C4BPA: variants seen among roughly 807,000 people sequenced by gnomAD.
The protein encoded by C4BPA is C4b-binding protein alpha chain.
A neutral mutation model predicts 63.7 loss-of-function variants in C4BPA; 31 were observed. That is an observed-to-expected ratio of 0.49 (90% CI 0.37 to 0.66). C4BPA has a LOEUF of 0.66. Among genes scored for constraint, C4BPA ranks in the 30% least tolerant of loss-of-function variants. C4BPA has a pLI of 0.00. For synonymous variants in C4BPA, 259 were observed against 254.7 expected (o/e 1.02, Z -0.16); for missense variants, 572 against 723.3 (o/e 0.79, Z 2.40).
chr1:207,143,754 G>T, intron 10 of C4BPA, 64 bp from the exon 11 acceptor site: 1 of 1,122,818 alleles, frequency 8.9e-7, no homozygotes, highest in South Asian at 1.3e-5. Context: ...CTTATTATCC[G>T]AGACTGTTAT....
chr1:207,132,794 G>A (rs548148658), intron 8 of C4BPA, among the ~76,000 whole-genome samples: 46 of 152,224 alleles, frequency 3.0e-4, no homozygotes, highest in African/African-American at 1.0e-3. Context: ...AGGCTGAGGC[G>A]GGAGGATTGC....
chr1:207,138,712 T>C (rs1685348117), intron 9 of C4BPA, among the ~76,000 whole-genome samples: 1 of 152,184 alleles, frequency 6.6e-6, no homozygotes, highest in Middle Eastern at 3.2e-3. Flanking sequence ...CCCCCTAGCC[T>C]ATGGGTTGGA....
At chr1:207,118,086 A>G (rs372333216) in intron 4 of C4BPA, among the ~76,000 whole-genome samples, 4 of 152,158 alleles carry the variant, frequency 2.6e-5, no homozygotes, top group African/African-American at 9.7e-5. Flanking sequence ...TGGATTATTT[A>G]TCCAATTTGT....
intron 10 of C4BPA, 149 bp downstream of exon 10, chr1:207,141,425 T>C: frequency 1.8e-6 from 1 of 550,112 alleles, no homozygotes; most frequent in Non-Finnish European, 3.1e-6. Flanking sequence ...TGGTACCCAA[T>C]GCAAAAACTA....
At chr1:207,123,214 A>G (rs558950393) in intron 4 of C4BPA, among the ~76,000 whole-genome samples, 1 of 152,338 alleles carries the variant, frequency 6.6e-6, no homozygotes, top group African/African-American at 2.4e-5. Context: ...AGAAATACTT[A>G]ATTGTAGTTG....
chr1:207,143,847 G>C lies in C4BPA; in HGVS notation c.1474G>C (p.Gly492Arg), dbSNP rs201588759. The change falls in exon 11 of 12, where the codon GGA becomes CGA. Residue 492 changes from glycine (G) to arginine (R), a missense_variant. Gly to Arg is a moderately radical substitution (Grantham distance 125). Around this residue, in one of 2 missense-constraint regions of C4BPA, gnomAD observed 465 missense variants for 629.4 expected, o/e 0.74. Coordinates refer to ENST00000367070, the MANE Select transcript of C4BPA (RefSeq NM_000715.4). ...GTGTCGGAAACCAGAATTAGTGAAT[G>C]GAAGGTTGTCTGTGGATAAGGATCA... is the stretch of plus-strand genomic sequence containing the variant. ...ALCRKPELVNGRLSVDKDQYV... is the reference protein window; with the variant it reads ...ALCRKPELVNRRLSVDKDQYV... 1 of 1,613,422 alleles carries C rather than the reference G, an allele frequency of 6.2e-7. No individual in the cohort carries two copies. Among genetic ancestry groups the C allele is most frequent in the Admixed American group, 1.7e-5 (1 of 60,002 alleles).
intron 1 of C4BPA, among the ~76,000 whole-genome samples, chr1:207,105,538 C>T (rs1353728350): frequency 1.1e-5 from 1 of 91,514 alleles, no homozygotes; most frequent in Non-Finnish European, 2.1e-5. Flanking sequence ...GTCTGGGCAA[C>T]AAGAGTGAAA....
In C4BPA at chr1:207,113,108, T is replaced by C; in HGVS notation, c.83T>C (p.Val28Ala). The change falls in exon 2 of 12, where the codon GTC becomes GCC. Residue 28 changes from valine to alanine, a missense_variant. Coordinates refer to ENST00000367070, the MANE Select transcript of C4BPA (RefSeq NM_000715.4). ...AAWPFSRLWK[V>A]SDPILFQMTL... Reference sequence around the variant, plus strand: ...TGGCCCTTCTCCAGGCTGTGGAAAGTCTCTGATCCAATTCTCTTCCAAATG... The same window carrying C: ...TGGCCCTTCTCCAGGCTGTGGAAAGCCTCTGATCCAATTCTCTTCCAAATG... The C allele has an allele frequency of 6.2e-7, 1 of 1,610,824 alleles. No individual in the cohort carries two copies. The highest frequency in any genetic ancestry group is 8.5e-7 in the Non-Finnish European group (1 of 1,178,662).
chr1:207,143,700 G>C, intron 10 of C4BPA, 118 bp from the exon 11 acceptor site: 1 of 721,872 alleles, frequency 1.4e-6, no homozygotes, highest in Non-Finnish European at 2.3e-6. Context: ...GTTTTCAAAT[G>C]AAGAGAAAGA....
At position 207,134,793 on chromosome 1, in the gene C4BPA, A is replaced by C. The variant is rs573108363; in HGVS notation, c.1273+201A>C. Among the ~76,000 whole-genome samples, 11 of 152,334 alleles carry C rather than the reference A, an allele frequency of 7.2e-5. No individual in the cohort carries two copies. The South Asian group carries it at 1.4e-3, about 20-fold the overall frequency. On this transcript the variant is annotated intron_variant, in intron 9 of 11. Transcript: ENST00000367070. ...AGTTTCCTCTTTTCTGAATCAGTGA[A>C]AATAGACAACATGTAATAAATAAGC...
intron 4 of C4BPA, among the ~76,000 whole-genome samples, chr1:207,116,431 C>T (rs1272058314): frequency 6.6e-6 from 1 of 151,242 alleles, no homozygotes; most frequent in African/African-American, 2.4e-5. Context: ...TTTAGACATA[C>T]ACATGAGTCT....
rs201262669 is a variant in C4BPA, at chr1:207,141,179, G to C, written c.1347G>C (p.Glu449Asp). 6.2e-7 allele frequency: 1 copy of C among 1,613,620 alleles called. No homozygotes were observed. The highest frequency in any genetic ancestry group is 2.2e-5 in the East Asian group (1 of 44,846). Reference sequence around the variant, plus strand: ...GTTCATACAGCTTTTTCAAAGAAGAGATTATATATGAATGTGATAAAGGCT... The same window carrying C: ...GTTCATACAGCTTTTTCAAAGAAGACATTATATATGAATGTGATAAAGGCT... ...QSSSYSFFKE[E>D]IIYECDKGYI... Residue 449 changes from glutamate (E) to aspartate (D), a missense_variant, in exon 10 of 12, where the codon GAG (glutamate) becomes GAC (aspartate). Glu to Asp is a conservative substitution (Grantham distance 45, BLOSUM62 2). Coordinates refer to ENST00000367070, the MANE Select transcript of C4BPA (RefSeq NM_000715.4).
intron 4 of C4BPA, among the ~76,000 whole-genome samples, chr1:207,117,341 T>C (rs1472908783): frequency 1.3e-5 from 2 of 152,080 alleles, no homozygotes; most frequent in Non-Finnish European, 2.9e-5. Context: ...GTCCCAGCTA[T>C]GCAACAGGCT....
rs759899269 is a variant in C4BPA, at chr1:207,113,162, T to C, written c.137T>C (p.Val46Ala). 75 of 1,610,306 alleles carry C rather than the reference T, an allele frequency of 4.7e-5. No individual in the cohort carries two copies. The highest frequency in any genetic ancestry group is 6.0e-5 in the Non-Finnish European group (71 of 1,178,760). The change falls in exon 2 of 12, where the codon GTT becomes GCT. Residue 46 changes from valine (V) to alanine (A), a missense_variant. Physicochemically the swap from Val to Ala is moderately conservative, Grantham distance 64. Transcript: ENST00000367070. The part of the protein sequence containing the change: ...MTLIAALLPA[V>A]LGNCGPPPTL... ...TTGATCGCTGCTCTGTTGCCTGCTG[T>C]TCTTGGTGAGTAGTGGGAAACAAGC...
At chr1:207,115,848 C>T (rs1351317757) in intron 4 of C4BPA, among the ~76,000 whole-genome samples, 5 of 152,184 alleles carry the variant, frequency 3.3e-5, no homozygotes, top group African/African-American at 7.2e-5. Context: ...TCCATGTTTG[C>T]GCATAGAGAG....
intron 1 of C4BPA, among the ~76,000 whole-genome samples, chr1:207,104,944 G>A (rs1402559719): frequency 6.6e-6 from 1 of 152,210 alleles, no homozygotes; most frequent in Non-Finnish European, 1.5e-5. Context: ...ACACTGGCCA[G>A]CCTCCAGTTG....
chr1:207,107,737 A>G (rs574020291), intron 1 of C4BPA, among the ~76,000 whole-genome samples: 3 of 152,338 alleles, frequency 2.0e-5, no homozygotes, highest in African/African-American at 7.2e-5. Context: ...AATGGCATCA[A>G]CATGGAAGCT....
chr1:207,131,647 C>T lies in C4BPA; in HGVS notation c.991C>T (p.Arg331Cys), dbSNP rs200186980. Residue 331 changes from arginine to cysteine, a missense_variant, in exon 8 of 12, where the codon CGC becomes TGC. This residue lies in a region of C4BPA where 465 missense variants were observed against 629.4 expected (regional missense o/e 0.74). Transcript: ENST00000367070. Reference protein sequence around the residue: ...VYVVGTVLRYRCHPGYKPTTD... With the variant: ...VYVVGTVLRYCCHPGYKPTTD... The stretch of plus-strand genomic sequence containing the variant: ...TGTTGTTGGGACTGTGTTAAGGTAC[C>T]GCTGTCATCCTGGCTACAAACCCAC... 5.0e-6 allele frequency: 8 copies of T among 1,613,568 alleles called. No individual in the cohort carries two copies. The highest frequency in any genetic ancestry group is 2.2e-5 in the South Asian group (2 of 91,062).
At chr1:207,116,708 T>C (rs1405709101) in intron 4 of C4BPA, among the ~76,000 whole-genome samples, 2 of 152,082 alleles carry the variant, frequency 1.3e-5, no homozygotes, top group African/African-American at 4.8e-5. Flanking sequence ...TTAAAAAAAA[T>C]CGCCTATATT....
Sources: gnomAD v4.1 joint callset for allele counts (sites outside exome capture counted in the v4.1 genomes callset) on GRCh38, gnomAD v4.1.1 for gene constraint, gnomAD v4.1.1 regional missense constraint, MANE v1.5 for transcripts, NCBI Gene and HGNC (gene_info 2026-07-23, HGNC 2026-07-21) for gene names.